Variants in PAX6 observed in about 807,000 individuals in gnomAD.
PAX6 encodes paired box 6.
In PAX6, 7 loss-of-function variants were observed where a neutral mutation model predicts 60.7. The ratio of observed to expected loss-of-function variants is 0.12; its 90% CI spans 0.07 to 0.22. The LOEUF is 0.22. PAX6 is among the 10% of genes least tolerant of loss of function. The pLI, the probability that PAX6 is intolerant of heterozygous loss-of-function variation, is 1.00. For missense variants in PAX6, 355 were observed against 555.2 expected, an observed-to-expected ratio of 0.64 and a Z score of 3.62; for synonymous variants, 208 against 201.2, an observed-to-expected ratio of 1.03 and a Z score of -0.29.
chr11:31,798,896 A>G (rs61100370), intron 8 of PAX6, among the ~76,000 whole-genome samples: 5,393 of 152,220 alleles, frequency 0.035, 319 homozygotes, highest in African/African-American at 0.12. Flanking sequence ...CAAGAAGCGG[A>G]AGGGGGGTGT....
intron 4 of PAX6, chr11:31,803,615 G>A (rs1479802032): frequency 2.0e-5 from 3 of 152,340 alleles, no homozygotes; most frequent in Non-Finnish European, 4.4e-5. Context: ...CAGAGCCCGG[G>A]CTCGGCTTCA....
chr11:31,790,750 C>A lies in PAX6; in HGVS notation c.1185G>T (p.Met395Ile), dbSNP rs1020483111. The change falls in exon 13 of 14, where the codon ATG becomes ATT. Residue 395 changes from methionine (M) to isoleucine (I), a missense_variant. Met to Ile is a conservative substitution (Grantham distance 10, BLOSUM62 1). Around this residue, in one of 5 missense-constraint regions of PAX6, gnomAD observed 149 missense variants for 191.9 expected, o/e 0.78. Coordinates refer to ENST00000640368, the MANE Select transcript of PAX6 (RefSeq NM_001368894.2). ...CCGAGGTGCCCATTGGCTGACTGTT[C>A]ATGTGTGTCTGCATATGTGGGGGGG... ...TYTPPHMQTH[M>I]NSQPMGTSGT... 2 of 1,614,096 alleles carry A rather than the reference C, an allele frequency of 1.2e-6. No homozygotes were observed. The highest frequency in any genetic ancestry group is 2.7e-5 in the African/African-American group (2 of 75,026).
At chr11:31,799,743 T>C (rs902519403) in intron 8 of PAX6, among the ~76,000 whole-genome samples, 10 of 152,222 alleles carry the variant, frequency 6.6e-5, no homozygotes, top group Middle Eastern at 3.4e-3. Flanking sequence ...CTCCTCGCAG[T>C]CCCGCGCGCC....
At chr11:31,813,382 G>C (rs979680157), upstream of PAX6, among the ~76,000 whole-genome samples, 1 of 104,902 alleles carries the variant, frequency 9.5e-6, no homozygotes, top group African/African-American at 3.7e-5. Flanking sequence ...AGGGACTTGC[G>C]GGGGGGCGGG....
chr11:31,814,990 GTCTC>G (rs71060502), upstream of PAX6: 1,946 of 130,342 alleles, frequency 0.015, 31 homozygotes, highest in African/African-American at 0.027. Flanking sequence ...AGGCCAGCCT[GTCTC>G]TCTCTCTCTC....
chr11:31,789,845 T>G lies in PAX6; in HGVS notation c.*89A>C. On this transcript the variant is annotated 3_prime_UTR_variant, in exon 14 of 14. Transcript: ENST00000640368. ...AGCGGCTCTAACAGCCATTTTTCTT[T>G]CTTTCCTGAAAGCTCAACTGTTGTG... is the stretch of plus-strand genomic sequence containing the variant. 8.1e-7 allele frequency: 1 copy of G among 1,234,450 alleles called. No homozygotes were observed. Among genetic ancestry groups the G allele is most frequent in the South Asian group, 1.3e-5 (1 of 78,080 alleles). The allele number at this position is 1,234,450 out of a possible 1,614,324, so 76.5% of individuals were successfully genotyped here. A position where few individuals can be genotyped will look rare whatever the true frequency, so the allele number is the denominator to read the frequency against.
intron 8 of PAX6, among the ~76,000 whole-genome samples, chr11:31,798,072 G>A (rs1952230471): frequency 6.6e-6 from 1 of 151,994 alleles, no homozygotes; most frequent in Admixed American, 6.6e-5. Flanking sequence ...TCAGTGAGGC[G>A]GAAAACAAGC....
rs1422038008 is a variant in PAX6, at chr11:31,802,116, AATTT to A, written c.142-208_142-205del. On this transcript the variant is annotated intron_variant, in intron 5 of 13. Coordinates refer to ENST00000640368, the MANE Select transcript of PAX6 (RefSeq NM_001368894.2). The stretch of plus-strand genomic sequence containing the variant: ...AAGATGCATCAAAACGAAGTAGATA[AATTT>A]ATTTTTGTGCTGACCTTGCTTAAAG... 4 of 581,580 alleles carry A rather than the reference AATTT, an allele frequency of 6.9e-6. No individual in the cohort carries two copies. In the African/African-American group the frequency reaches 7.5e-5, roughly 11 times the overall value. The allele number at this position is 581,580 out of a possible 1,614,324, so 36.0% of individuals were successfully genotyped here. A position where few individuals can be genotyped will look rare whatever the true frequency, so the allele number is the denominator to read the frequency against.
At chr11:31,816,504 G>A in intron 1 of PAX6, 1 of 702,280 alleles carries the variant, frequency 1.4e-6, no homozygotes, top group Non-Finnish European at 2.6e-6. Flanking sequence ...CATCTCTAAT[G>A]AGGGAGGAGG....
At chr11:31,791,175 A>G in intron 12 of PAX6, 1 of 433,400 alleles carries the variant, frequency 2.3e-6, no homozygotes, top group South Asian at 2.1e-5. Context: ...GCATCTTTGA[A>G]GAACCTATAG....
intron 1 of PAX6, chr11:31,816,773 A>C (rs929609011): frequency 1.6e-6 from 1 of 627,770 alleles, no homozygotes; most frequent in Non-Finnish European, 2.9e-6. Context: ...AGGTGCTCCC[A>C]GAAGACCTAG....
upstream of PAX6, chr11:31,811,700 G>C (rs1361112158): frequency 6.5e-6 from 1 of 153,616 alleles, no homozygotes. Flanking sequence ...GTCCTTTCTT[G>C]CCAACTCCAG....
At position 31,810,957 on chromosome 11, in the gene PAX6, G is replaced by C. The variant is rs1198829756; in HGVS notation, c.-258C>G. 5.0e-6 allele frequency: 2 copies of C among 399,258 alleles called. No individual in the cohort carries two copies. The highest frequency in any genetic ancestry group is 8.8e-6 in the Non-Finnish European group (2 of 226,116). 24.7% of individuals were successfully genotyped at this position (399,258 alleles called of 1,614,324 possible). Reference sequence around the variant, plus strand: ...ATGACGGTGTTTTAAAGGAGTTGCTGGTGAGAGTTTTCTCCACGGATGTTG... The same window carrying C: ...ATGACGGTGTTTTAAAGGAGTTGCTCGTGAGAGTTTTCTCCACGGATGTTG... On this transcript the variant is annotated 5_prime_UTR_variant, in exon 2 of 14. Coordinates refer to ENST00000640368, the MANE Select transcript of PAX6 (RefSeq NM_001368894.2).
chr11:31,796,048 A>G (rs969039690), intron 8 of PAX6, among the ~76,000 whole-genome samples: 5 of 152,272 alleles, frequency 3.3e-5, no homozygotes, highest in African/African-American at 7.2e-5. Flanking sequence ...GAATTGTGAC[A>G]GGATCTAGTG....
At chr11:31,815,453 G>A (rs536452907), upstream of PAX6, among the ~76,000 whole-genome samples, 1 of 152,070 alleles carries the variant, frequency 6.6e-6, no homozygotes, top group African/African-American at 2.4e-5. Flanking sequence ...CCGGTCCTGC[G>A]ATTTGTCCCG....
intron 12 of PAX6, chr11:31,793,058 T>C: frequency 1.7e-6 from 1 of 589,836 alleles, no homozygotes; most frequent in South Asian, 2.0e-5. Flanking sequence ...AACACATTAA[T>C]ATAAACCCAA....
chr11:31,802,635 A>C lies in PAX6; in HGVS notation c.141+69T>G, dbSNP rs1954408653. 2.6e-6 allele frequency: 4 copies of C among 1,544,320 alleles called. No individual in the cohort carries two copies. In the Admixed American group the frequency reaches 7.4e-5, roughly 29 times the overall value. Reference sequence around the variant, plus strand: ...CATAATTAGCATCGTTTACAGTAAGAAATGAAGAGAGGGCGTTGAGAGTGG... The same window carrying C: ...CATAATTAGCATCGTTTACAGTAAGCAATGAAGAGAGGGCGTTGAGAGTGG... On this transcript the variant is annotated intron_variant, in intron 5 of 13. Coordinates refer to ENST00000640368, the MANE Select transcript of PAX6 (RefSeq NM_001368894.2).
At chr11:31,816,588 C>G (rs1362958204) in intron 1 of PAX6, 17 of 702,480 alleles carry the variant, frequency 2.4e-5, no homozygotes, top group Non-Finnish European at 4.2e-5. Flanking sequence ...GCGACCTGCT[C>G]GCCGCCCAGC....
intron 5 of PAX6, chr11:31,802,433 G>T: frequency 2.2e-6 from 1 of 464,766 alleles, no homozygotes; most frequent in Non-Finnish European, 3.8e-6. Flanking sequence ...AATAAAAAGA[G>T]AAAGATTTTT....
Sources: gnomAD v4.1 joint callset for allele counts (sites outside exome capture counted in the v4.1 genomes callset) on GRCh38, gnomAD v4.1.1 for gene constraint, gnomAD v4.1.1 regional missense constraint, MANE v1.5 for transcripts, NCBI Gene and HGNC (gene_info 2026-07-23, HGNC 2026-07-21) for gene names.